Variants in CLN6 observed in about 807,000 individuals in gnomAD.
CLN6 encodes CLN6 transmembrane ER protein, also known as ceroid-lipofuscinosis neuronal protein 6.
Under a neutral mutation model 33.3 loss-of-function variants are expected in CLN6, and 22 were observed. That is an observed-to-expected ratio of 0.66 (90% CI 0.47 to 0.94). The LOEUF (loss-of-function observed/expected upper bound fraction) is 0.94. CLN6 is among the 40% of genes least tolerant of loss of function. The pLI, the probability that CLN6 is intolerant of heterozygous loss-of-function variation, is 0.00. For synonymous variants in CLN6, 201 were observed against 174.6 expected (o/e 1.15, Z -1.19); for missense variants, 387 against 417.1 (o/e 0.93, Z 0.63).
chr15:68,241,783 C>T lies in CLN6; in HGVS notation c.179+14907G>A, dbSNP rs1160778757. 6.6e-6 allele frequency among the ~76,000 whole-genome samples: 1 copy of T among 152,188 alleles called. No homozygotes were observed. Among genetic ancestry groups the T allele is most frequent in the East Asian group, 1.9e-4 (1 of 5,206 alleles). ...CAGCCTATCCATACTGCCAGGATAT[C>T]TGCTCTGGGACCTCCCCCATTTGGA... On this transcript the variant is annotated intron_variant, in intron 1 of 6. Coordinates refer to the CLN6 transcript ENST00000538696. This position sits in a 1 kb window ranked among gnomAD's most constrained non-coding sequence, Gnocchi z 4.2.
At chr15:68,212,173 G>A in intron 3 of CLN6, 1 of 397,886 alleles carries the variant, frequency 2.5e-6, no homozygotes, top group South Asian at 2.5e-5. Flanking sequence ...AGCCTTCAGT[G>A]CAGGAGTCCA....
chr15:68,227,070 C>T lies in CLN6; in HGVS notation c.83+2432G>A, dbSNP rs1489388588. ...CTTTTTTTTTTTTTTGAGACAGTCTCACTGTCATCCAGGCTGGAGTGCAGT... is the reference window on the plus strand; with the variant it reads ...CTTTTTTTTTTTTTTGAGACAGTCTTACTGTCATCCAGGCTGGAGTGCAGT... On this transcript the variant is annotated intron_variant, in intron 1 of 6. Transcript: ENST00000249806. The surrounding 1 kb of genome is among the most constrained non-coding windows in gnomAD (Gnocchi z 4.1). 6.7e-6 allele frequency among the ~76,000 whole-genome samples: 1 copy of T among 149,456 alleles called. No homozygotes were observed. Among genetic ancestry groups the T allele is most frequent in the Non-Finnish European group, 1.5e-5 (1 of 67,526 alleles).
chr15:68,207,868 G>T lies in CLN6; in HGVS notation c.*272C>A. On this transcript the variant is annotated 3_prime_UTR_variant, in exon 7 of 7. Transcript: ENST00000249806. Reference sequence around the variant, plus strand: ...GAGGAGGGCAGGGGCCCGGATCCTGGCCCAGAAACACTCTAAAACAGAATC... The same window carrying T: ...GAGGAGGGCAGGGGCCCGGATCCTGTCCCAGAAACACTCTAAAACAGAATC... The T allele has an allele frequency of 2.0e-6, 1 of 507,274 alleles. No individual in the cohort carries two copies. The highest frequency in any genetic ancestry group is 3.6e-6 in the Non-Finnish European group (1 of 278,958). 31.4% of individuals were successfully genotyped at this position (507,274 alleles called of 1,614,324 possible). A position where few individuals can be genotyped will look rare whatever the true frequency, so the allele number is the denominator to read the frequency against.
rs1195897194 is a variant in CLN6, at chr15:68,236,605, C to T, written c.180-17955G>A. Among the ~76,000 whole-genome samples, 1 of 152,206 alleles carries T rather than the reference C, an allele frequency of 6.6e-6. No individual in the cohort carries two copies. Among genetic ancestry groups the T allele is most frequent in the East Asian group, 1.9e-4 (1 of 5,200 alleles). ...GATAGAAGGAAGTTGATAGTGATGG[C>T]TAATGGATACAGGATTCCTCTTTGG... On this transcript the variant is annotated intron_variant, in intron 1 of 6. Coordinates refer to the CLN6 transcript ENST00000538696. The surrounding 1 kb of genome is among the most constrained non-coding windows in gnomAD (Gnocchi z 4.5).
rs1385904586 is a variant in CLN6, at chr15:68,211,067, G to A, written c.542+196C>T. Among the ~76,000 whole-genome samples the A allele has an allele frequency of 6.6e-6, 1 of 152,202 alleles. No homozygotes were observed. Among genetic ancestry groups the A allele is most frequent in the East Asian group, 1.9e-4 (1 of 5,184 alleles). On this transcript the variant is annotated intron_variant, in intron 5 of 6. Transcript: ENST00000249806. The surrounding 1 kb of genome is among the most constrained non-coding windows in gnomAD (Gnocchi z 5.9). Reference sequence around the variant, plus strand: ...CTGGAAGCCGGGGCCTGGAGCCTGGGACAGCAGCTGGGTCTCCCGGGCAAC... The same window carrying A: ...CTGGAAGCCGGGGCCTGGAGCCTGGAACAGCAGCTGGGTCTCCCGGGCAAC...
rs1555440188 is a variant in CLN6, at chr15:68,229,500, A to C, written c.83+2T>G. 6.8e-7 allele frequency: 1 copy of C among 1,465,256 alleles called. No homozygotes were observed. The highest frequency in any genetic ancestry group is 3.0e-5 in the East Asian group (1 of 33,314). The allele number at this position is 1,465,256 out of a possible 1,614,324, so 90.8% of individuals were successfully genotyped here. ...CGCCCTCTCACCCCGGCGCGCGCCC[A>C]CCTGGCCTGCAGGAAGGAGGCGCCC... On this transcript the variant is annotated splice_donor_variant, in intron 1 of 6. Transcript: ENST00000249806. LOFTEE classifies it high-confidence loss of function.
intron 2 of CLN6, chr15:68,215,207 A>G (rs1233309217): frequency 6.6e-6 from 1 of 152,210 alleles, no homozygotes; most frequent in Non-Finnish European, 1.5e-5. Context: ...TTAACACAGA[A>G]ATGCCATATT....
At chr15:68,249,827 G>A (rs189552309) in intron 1 of CLN6, among the ~76,000 whole-genome samples, 6 of 152,304 alleles carry the variant, frequency 3.9e-5, no homozygotes, top group Admixed American at 3.9e-4. Context: ...AGGCTGGAGT[G>A]CAATGGCGTG....
Position 68,208,091 on chromosome 15 carries a change from A to G in CLN6, c.*49T>C. 2 of 1,511,934 alleles carry G rather than the reference A, an allele frequency of 1.3e-6. No individual in the cohort carries two copies. The highest frequency in any genetic ancestry group is 1.8e-6 in the Non-Finnish European group (2 of 1,111,666). 93.7% of individuals were successfully genotyped at this position (1,511,934 alleles called of 1,614,324 possible). On this transcript the variant is annotated 3_prime_UTR_variant, in exon 7 of 7. Transcript: ENST00000249806. This position sits in a 1 kb window ranked among gnomAD's most constrained non-coding sequence, Gnocchi z 5.8. ...CTACTCCTGTATTCAGATGCCCTCC[A>G]TGGCCCACCCTCCCACCCAGCAGAG...
At chr15:68,251,967 C>CTTTT (rs35907860) in intron 1 of CLN6, among the ~76,000 whole-genome samples, 18 of 71,880 alleles carry the variant, frequency 2.5e-4, no homozygotes, top group Non-Finnish European at 3.9e-4. Context: ...ATGTGTGAAT[C>CTTTT]TTTTTTTTTT....
chr15:68,226,762 G>A (rs896971980), intron 1 of CLN6, among the ~76,000 whole-genome samples: 9 of 152,148 alleles, frequency 5.9e-5, no homozygotes, highest in African/African-American at 1.9e-4. Flanking sequence ...ACCACACCTG[G>A]CCAGTAGATC....
chr15:68,253,743 C>G (rs1008245379), intron 1 of CLN6, among the ~76,000 whole-genome samples: 2 of 152,186 alleles, frequency 1.3e-5, no homozygotes, highest in African/African-American at 4.8e-5. Flanking sequence ...GCAGATACTT[C>G]TTTTTTAGCC....
Position 68,256,919 on chromosome 15 carries a change from G to C in CLN6, c.-51C>G. Reference sequence around the variant, plus strand: ...GCGGCTCTGGGGAGGGTCAGGGTGCGCGTCCCACCGCGTCGTGGGGCAGGG... The same window carrying C: ...GCGGCTCTGGGGAGGGTCAGGGTGCCCGTCCCACCGCGTCGTGGGGCAGGG... On this transcript the variant is annotated 5_prime_UTR_variant, in exon 1 of 7. Transcript: ENST00000538696. The surrounding 1 kb of genome is among the most constrained non-coding windows in gnomAD (Gnocchi z 4.1). 2 of 627,306 alleles carry C rather than the reference G, an allele frequency of 3.2e-6. No individual in the cohort carries two copies. Among genetic ancestry groups the C allele is most frequent in the Admixed American group, 5.5e-5 (2 of 36,492 alleles). 38.9% of individuals were successfully genotyped at this position (627,306 alleles called of 1,614,324 possible).
chr15:68,214,179 A>G lies in CLN6; in HGVS notation c.297+111T>C, dbSNP rs372488266. ...TGCTCTGTCACAGCCTTCACCCCCC[A>G]GCAGCAGGCAGGAGCGTGCTTGAGT... is the stretch of plus-strand genomic sequence containing the variant. On this transcript the variant is annotated intron_variant, in intron 3 of 6. Transcript: ENST00000249806. 26 of 839,424 alleles carry G rather than the reference A, an allele frequency of 3.1e-5. No individual in the cohort carries two copies. In the African/African-American group the frequency reaches 3.9e-4, roughly 12 times the overall value. 52.0% of individuals were successfully genotyped at this position (839,424 alleles called of 1,614,324 possible). A position where few individuals can be genotyped will look rare whatever the true frequency, so the allele number is the denominator to read the frequency against.
rs2093191762 is a variant in CLN6 at position 68,207,863 on chromosome 15, T to C, written c.*277A>G. 8.1e-6 allele frequency: 4 copies of C among 494,456 alleles called. No individual in the cohort carries two copies. Among genetic ancestry groups the C allele is most frequent in the Non-Finnish European group, 1.5e-5 (4 of 270,998 alleles). 30.6% of individuals were successfully genotyped at this position (494,456 alleles called of 1,614,324 possible). ...GTGCAGAGGAGGGCAGGGGCCCGGATCCTGGCCCAGAAACACTCTAAAACA... is the reference window on the plus strand; with the variant it reads ...GTGCAGAGGAGGGCAGGGGCCCGGACCCTGGCCCAGAAACACTCTAAAACA... On this transcript the variant is annotated 3_prime_UTR_variant, in exon 7 of 7. Transcript: ENST00000249806.
rs755397770 is a variant in CLN6 at position 68,208,262 on chromosome 15, G to C, written c.814C>G (p.Leu272Val). The C allele has an allele frequency of 1.9e-6, 3 of 1,614,162 alleles. No individual in the cohort carries two copies. The highest frequency in any genetic ancestry group is 1.3e-5 in the African/African-American group (1 of 75,048). The part of the protein sequence containing the change: ...LFSSFALTLL[L>V]VALWVAWLWN... ...AGCCAGGCGACCCAGAGCGCCACAA[G>C]CAAGAGGGTCAGTGCGAAGGAGGAG... Residue 272 changes from leucine to valine, a missense_variant, in exon 7 of 7, where the codon CTT becomes GTT. Transcript: ENST00000249806. The surrounding 1 kb of genome is among the most constrained non-coding windows in gnomAD (Gnocchi z 5.8).
chr15:68,217,883 A>C (rs2093224790), intron 2 of CLN6, among the ~76,000 whole-genome samples: 1 of 66,744 alleles, frequency 1.5e-5, no homozygotes, highest in African/African-American at 5.3e-5. Context: ...CTACCTACCT[A>C]CCTACCTACC....
chr15:68,244,580 GA>G (rs1005538040), intron 1 of CLN6, among the ~76,000 whole-genome samples: 1 of 151,920 alleles, frequency 6.6e-6, no homozygotes, highest in African/African-American at 2.4e-5. Flanking sequence ...CAATCTGAAA[GA>G]AAAAAACACT....
upstream of CLN6, among the ~76,000 whole-genome samples, chr15:68,230,973 G>A (rs1035336943): frequency 6.6e-6 from 1 of 152,182 alleles, no homozygotes; most frequent in African/African-American, 2.4e-5. The surrounding 1 kb of genome is among the most constrained non-coding windows in gnomAD (Gnocchi z 4.0). Flanking sequence ...GAAGGGATGT[G>A]CCTCTTGGAA....
Sources: gnomAD v4.1 joint callset for allele counts (sites outside exome capture counted in the v4.1 genomes callset) on GRCh38, gnomAD v4.1.1 for gene constraint, Gnocchi (gnomAD v3.1) non-coding constraint, MANE v1.5 for transcripts, NCBI Gene and HGNC (gene_info 2026-07-23, HGNC 2026-07-21) for gene names.